SGCD: variants seen among roughly 807,000 people sequenced by gnomAD.
The protein encoded by SGCD is delta-sarcoglycan.
Under a neutral mutation model 36.6 loss-of-function variants are expected in SGCD, and 18 were observed. That is an observed-to-expected ratio of 0.49 (90% CI 0.34 to 0.73). The LOEUF is 0.73. Among genes scored for constraint, SGCD ranks in the 30% least tolerant of loss-of-function variants. The pLI, the probability that SGCD is intolerant of heterozygous loss-of-function variation, is 0.01. For synonymous variants in SGCD, 133 were observed against 130.6 expected (o/e 1.02, Z -0.12); for missense variants, 387 against 346.7 (o/e 1.12, Z -0.92).
chr5:156,125,321 A>G (rs955892527), intron 3 of SGCD, among the ~76,000 whole-genome samples: 6 of 152,172 alleles, frequency 3.9e-5, no homozygotes, highest in Admixed American at 1.3e-4. Flanking sequence ...GCTGTTGAAT[A>G]TCACATTAGT....
intron 3 of SGCD, among the ~76,000 whole-genome samples, chr5:156,362,699 C>G (rs184415714): frequency 6.6e-6 from 1 of 152,086 alleles, no homozygotes; most frequent in Non-Finnish European, 1.5e-5. Flanking sequence ...CTGTGAACCT[C>G]GTGGCTAGTC....
At chr5:156,723,700 T>G (rs890469409) in intron 7 of SGCD, among the ~76,000 whole-genome samples, 2 of 151,916 alleles carry the variant, frequency 1.3e-5, no homozygotes, top group African/African-American at 4.8e-5. Flanking sequence ...GGCACGGGAG[T>G]GGCATGTATG....
intron 1 of SGCD, among the ~76,000 whole-genome samples, chr5:156,039,011 C>G (rs1197204472): frequency 1.3e-5 from 2 of 152,070 alleles, no homozygotes; most frequent in Non-Finnish European, 2.9e-5. Flanking sequence ...CATCTTCCCC[C>G]TAGAAACAGA....
chr5:155,834,461 C>T, the SGCD span, among the ~76,000 whole-genome samples: 1 of 152,040 alleles, frequency 6.6e-6, no homozygotes, highest in Non-Finnish European at 1.5e-5. Flanking sequence ...TTGTGGTGGG[C>T]ATAGGGGTGG....
At chr5:156,534,979 T>C (rs555505976) in intron 4 of SGCD, among the ~76,000 whole-genome samples, 3 of 152,320 alleles carry the variant, frequency 2.0e-5, no homozygotes, top group Admixed American at 2.0e-4. Context: ...TATATTCATC[T>C]CCATTTATTA....
the SGCD span, among the ~76,000 whole-genome samples, chr5:155,842,973 C>A: frequency 6.6e-6 from 1 of 152,154 alleles, no homozygotes; most frequent in Non-Finnish European, 1.5e-5. Context: ...ACTATCAACT[C>A]CATCTAAGAG....
chr5:156,449,635 C>T (rs909023761), intron 3 of SGCD, among the ~76,000 whole-genome samples: 5 of 139,618 alleles, frequency 3.6e-5, no homozygotes, highest in Non-Finnish European at 7.5e-5. Flanking sequence ...AATTCAAGAC[C>T]AGCCTGGCCA....
At chr5:155,968,232 G>A (rs554339433) in intron 1 of SGCD, among the ~76,000 whole-genome samples, 2 of 152,226 alleles carry the variant, frequency 1.3e-5, no homozygotes, top group Admixed American at 1.3e-4. Flanking sequence ...TTGCCTATCA[G>A]CAGTACCTGA....
chr5:155,831,320 C>G, the SGCD span, among the ~76,000 whole-genome samples: 1 of 152,138 alleles, frequency 6.6e-6, no homozygotes, highest in Non-Finnish European at 1.5e-5. Flanking sequence ...TCCGTGCCTC[C>G]GTCTCCTAGT....
rs75501232 is a variant in SGCD, at chr5:156,683,168, A to T, written c.575+35632A>T. 3.4e-3 allele frequency among the ~76,000 whole-genome samples: 525 copies of T among 152,368 alleles called. 5 individuals are homozygous for T. The highest frequency in any genetic ancestry group is 0.012 in the African/African-American group (492 of 41,594). On this transcript the variant is annotated intron_variant, in intron 7 of 8. Transcript: ENST00000337851. ...TGTTTAGTTCCATCAAATGAACCAC[A>T]TTAGATTGCAGGAAACACCTGAGTG...
intron 4 of SGCD, among the ~76,000 whole-genome samples, chr5:156,570,376 G>T (rs1174933881): frequency 5.9e-5 from 9 of 152,134 alleles, no homozygotes; most frequent in African/African-American, 2.2e-4. Flanking sequence ...CCACATTCTT[G>T]CTATTATTTG....
chr5:156,012,969 T>C (rs1014427217), intron 1 of SGCD, among the ~76,000 whole-genome samples: 1 of 149,204 alleles, frequency 6.7e-6, no homozygotes, highest in Non-Finnish European at 1.5e-5. Flanking sequence ...TATTTATATA[T>C]ATAATATGTA....
chr5:156,704,994 C>A (rs951811332), intron 7 of SGCD, among the ~76,000 whole-genome samples: 9 of 151,820 alleles, frequency 5.9e-5, no homozygotes, highest in Admixed American at 5.3e-4. Context: ...ATAACCAAAT[C>A]TGATGTGAAA....
chr5:156,196,604 A>G (rs771188715), intron 3 of SGCD, among the ~76,000 whole-genome samples: 6 of 152,220 alleles, frequency 3.9e-5, no homozygotes, highest in Non-Finnish European at 7.3e-5. Context: ...TTTGGAAAGG[A>G]AGTTTGGAGA....
chr5:156,071,315 A>G (rs1760554546), intron 1 of SGCD, among the ~76,000 whole-genome samples: 1 of 152,126 alleles, frequency 6.6e-6, no homozygotes, highest in Non-Finnish European at 1.5e-5. Context: ...TGTCCCAGAG[A>G]TTCTGGTATG....
intron 1 of SGCD, among the ~76,000 whole-genome samples, chr5:156,095,842 G>A (rs1761362156): frequency 6.6e-6 from 1 of 152,150 alleles, no homozygotes; most frequent in Admixed American, 6.5e-5. Flanking sequence ...ACAAAGCTCA[G>A]GTGGTGCCAC....
At chr5:156,036,905 G>C (rs566510620) in intron 1 of SGCD, among the ~76,000 whole-genome samples, 29 of 152,212 alleles carry the variant, frequency 1.9e-4, no homozygotes, top group Middle Eastern at 6.8e-3. Flanking sequence ...TTCCTGCCAA[G>C]CTCTTTGCCA....
chr5:156,536,734 A>C (rs1307240335), intron 4 of SGCD, among the ~76,000 whole-genome samples: 1 of 152,170 alleles, frequency 6.6e-6, no homozygotes, highest in Admixed American at 6.6e-5. Flanking sequence ...CTGGTGGCTC[A>C]TTAAGAGACA....
intron 1 of SGCD, among the ~76,000 whole-genome samples, chr5:155,958,215 T>C (rs1031211853): frequency 6.6e-6 from 1 of 152,272 alleles, no homozygotes; most frequent in African/African-American, 2.4e-5. Context: ...AAGCACTGTA[T>C]TAATGAAAGT....
Sources: gnomAD v4.1 joint callset for allele counts (sites outside exome capture counted in the v4.1 genomes callset) on GRCh38, gnomAD v4.1.1 for gene constraint, MANE v1.5 for transcripts, NCBI Gene and HGNC (gene_info 2026-07-23, HGNC 2026-07-21) for gene names.